DISC1: variants seen among roughly 807,000 people sequenced by gnomAD.
DISC1 encodes DISC1 scaffold protein, also known as disrupted in schizophrenia 1 protein.
A neutral mutation model predicts 84.5 loss-of-function variants in DISC1; 57 were observed. The ratio of observed to expected loss-of-function variants is 0.67; its 90% CI spans 0.55 to 0.84. The LOEUF is 0.84. DISC1 is among the 40% of genes least tolerant of loss of function. DISC1 has a pLI of 0.00. For synonymous variants in DISC1, 411 were observed against 415.2 expected (o/e 0.99, Z 0.12); for missense variants, 1,000 against 1,057.8 (o/e 0.95, Z 0.76).
chr1:231,928,681 C>T (rs2090486613), intron 9 of DISC1, among the ~76,000 whole-genome samples: 2 of 152,142 alleles, frequency 1.3e-5, no homozygotes, highest in African/African-American at 4.8e-5. Flanking sequence ...CCCACTTTGT[C>T]CTGTGGGCAT....
intron 4 of DISC1, among the ~76,000 whole-genome samples, chr1:231,763,314 G>A (rs1159987105): frequency 2.0e-5 from 3 of 152,218 alleles, no homozygotes; most frequent in East Asian, 1.9e-4. Context: ...TCTGTAATGA[G>A]AAGCGAATGT....
At chr1:232,022,933 G>C (rs3524) in intron 11 of DISC1, among the ~76,000 whole-genome samples, 1 of 151,890 alleles carries the variant, frequency 6.6e-6, no homozygotes, top group African/African-American at 2.4e-5. Flanking sequence ...ACAGCCCCAC[G>C]AAAGAATGCC....
At chr1:231,652,542 T>C (rs972968736) in intron 1 of DISC1, among the ~76,000 whole-genome samples, 4 of 152,128 alleles carry the variant, frequency 2.6e-5, no homozygotes, top group African/African-American at 7.2e-5. Flanking sequence ...AACATAGGCA[T>C]TGTAAAAAGT....
At position 231,897,866 on chromosome 1, in the gene DISC1, T is replaced by C. The variant is rs914682843; in HGVS notation, c.1982-60962T>C. 6.6e-6 allele frequency among the ~76,000 whole-genome samples: 1 copy of C among 152,210 alleles called. No homozygotes were observed. The highest frequency in any genetic ancestry group is 2.4e-5 in the African/African-American group (1 of 41,444). Reference sequence around the variant, plus strand: ...AGAAAATCTAGCTTCAAAACTCAAGTGCTAAAACACCAAAATAGTGTTATA... The same window carrying C: ...AGAAAATCTAGCTTCAAAACTCAAGCGCTAAAACACCAAAATAGTGTTATA... On this transcript the variant is annotated intron_variant, in intron 9 of 12. Coordinates refer to ENST00000439617, the MANE Select transcript of DISC1 (RefSeq NM_018662.3). This position sits in a 1 kb window ranked among gnomAD's most constrained non-coding sequence, Gnocchi z 4.5.
chr1:231,690,618 G>T (rs1480452315), intron 1 of DISC1, among the ~76,000 whole-genome samples: 3 of 152,160 alleles, frequency 2.0e-5, no homozygotes, highest in African/African-American at 7.2e-5. Flanking sequence ...ATATGTAAGT[G>T]AGAATTGATT....
chr1:232,021,333 TACACACACACACAC>T (rs36231584), intron 11 of DISC1, among the ~76,000 whole-genome samples: 2,976 of 148,232 alleles, frequency 0.02, 89 homozygotes, highest in African/African-American at 0.065. Context: ...ACTTGTTCTA[TACACACACACACAC>T]ACACACACAC....
chr1:231,732,170 G>T (rs1160071139), intron 3 of DISC1, among the ~76,000 whole-genome samples: 1 of 152,218 alleles, frequency 6.6e-6, no homozygotes, highest in East Asian at 1.9e-4. Context: ...AGAAAGGTGG[G>T]TGGGTGCATA....
chr1:231,693,699 C>A, intron 1 of DISC1, 127 bp from the exon 2 acceptor site: 1 of 1,437,814 alleles, frequency 7.0e-7, no homozygotes, highest in Non-Finnish European at 9.6e-7. Flanking sequence ...GACCACTGAG[C>A]CAGCATCTAT....
In DISC1 at chr1:232,028,338, G is replaced by A. The variant is rs1387713780; in HGVS notation, c.2425+1786G>A. On this transcript the variant is annotated intron_variant, in intron 12 of 12. Coordinates refer to ENST00000439617, the MANE Select transcript of DISC1 (RefSeq NM_018662.3). ...CTGTCTTCAGGTAGCAGTTCTGAGG[G>A]CTGCAGTCAGGGTTCTGTACTGGTC... is the stretch of plus-strand genomic sequence containing the variant. 2.0e-5 allele frequency among the ~76,000 whole-genome samples: 3 copies of A among 152,248 alleles called. No individual in the cohort carries two copies. The East Asian group carries it at 5.8e-4, about 29-fold the overall frequency.
At chr1:231,863,665 A>T (rs1209304496) in intron 9 of DISC1, among the ~76,000 whole-genome samples, 4 of 152,244 alleles carry the variant, frequency 2.6e-5, no homozygotes, top group Non-Finnish European at 5.9e-5. Flanking sequence ...GTCATGGGAC[A>T]GATTGCAACT....
intron 3 of DISC1, among the ~76,000 whole-genome samples, chr1:231,747,300 A>G (rs193277932): frequency 8.1e-4 from 124 of 152,218 alleles, no homozygotes; most frequent in Middle Eastern, 6.8e-3. Flanking sequence ...TAGTTTTGCT[A>G]TTGTTGTCTG....
At chr1:231,722,870 G>C (rs1045258614) in intron 3 of DISC1, 1 of 1,389,428 alleles carries the variant, frequency 7.2e-7, no homozygotes, top group African/African-American at 1.5e-5. Flanking sequence ...CCCTGTCATG[G>C]CATGAAAAAA....
At chr1:231,996,794 TG>T (rs1396792574) in intron 10 of DISC1, among the ~76,000 whole-genome samples, 2 of 152,158 alleles carry the variant, frequency 1.3e-5, no homozygotes, top group Non-Finnish European at 2.9e-5. Flanking sequence ...ACAGGAATGG[TG>T]AATATCAATT....
chr1:231,919,441 G>A (rs201069198), intron 9 of DISC1, among the ~76,000 whole-genome samples: 53 of 152,306 alleles, frequency 3.5e-4, no homozygotes, highest in African/African-American at 9.1e-4. Flanking sequence ...TCAAATGGGC[G>A]TAGCTGAGTT....
chr1:231,815,854 G>T (rs1157834868), intron 8 of DISC1, among the ~76,000 whole-genome samples: 1 of 151,816 alleles, frequency 6.6e-6, no homozygotes, highest in Non-Finnish European at 1.5e-5. Flanking sequence ...TATTATTTTT[G>T]CATCTTCCTG....
At chr1:231,738,576 C>T (rs945792460) in intron 3 of DISC1, among the ~76,000 whole-genome samples, 2 of 152,160 alleles carry the variant, frequency 1.3e-5, no homozygotes, top group Non-Finnish European at 1.5e-5. Context: ...ACAGTGTGGA[C>T]CCCTCCCGCC....
At chr1:231,803,675 G>A (rs754402591) in intron 8 of DISC1, among the ~76,000 whole-genome samples, 3 of 152,078 alleles carry the variant, frequency 2.0e-5, no homozygotes, top group East Asian at 1.9e-4. Context: ...GATGCCAGGC[G>A]CGGTGGCTCA....
Position 231,898,791 on chromosome 1 carries a change from G to C in DISC1, c.1982-60037G>C, listed in dbSNP as rs144473845. 5.1e-3 allele frequency among the ~76,000 whole-genome samples: 775 copies of C among 152,036 alleles called. 4 individuals are homozygous for C. The highest frequency in any genetic ancestry group is 0.018 in the African/African-American group (737 of 41,462). The stretch of plus-strand genomic sequence containing the variant: ...TACTAAAAATACAAAAAATTACCTG[G>C]GCGTGGTGGCGTATGGCTGTAATCC... On this transcript the variant is annotated intron_variant, in intron 9 of 12. Transcript: ENST00000439617.
At chr1:231,894,694 T>C (rs1272369511) in intron 9 of DISC1, among the ~76,000 whole-genome samples, 1 of 152,020 alleles carries the variant, frequency 6.6e-6, no homozygotes, top group Non-Finnish European at 1.5e-5. Flanking sequence ...TTTTTACATA[T>C]CAATCAGTAT....
Sources: gnomAD v4.1 joint callset for allele counts (sites outside exome capture counted in the v4.1 genomes callset) on GRCh38, gnomAD v4.1.1 for gene constraint, Gnocchi (gnomAD v3.1) non-coding constraint, MANE v1.5 for transcripts, NCBI Gene and HGNC (gene_info 2026-07-23, HGNC 2026-07-21) for gene names.